Variants in L3MBTL4 observed in about 807,000 individuals in gnomAD.
The protein encoded by L3MBTL4 is lethal(3)malignant brain tumor-like protein 4.
Under a neutral mutation model 84.5 loss-of-function variants are expected in L3MBTL4, and 70 were observed. The ratio of observed to expected loss-of-function variants is 0.83; its 90% CI spans 0.68 to 1.01. The LOEUF is 1.01. Ranked by LOEUF, L3MBTL4 falls within the 50% of genes least tolerant of loss-of-function variation. The probability of loss-of-function intolerance (pLI) is 0.00; values close to 1 mark genes in which losing one functional copy is unlikely to be tolerated. For synonymous variants in L3MBTL4, 274 were observed against 259.8 expected (o/e 1.05, Z -0.52); for missense variants, 715 against 754.8 (o/e 0.95, Z 0.62).
intron 16 of L3MBTL4, among the ~76,000 whole-genome samples, chr18:5,991,765 G>C (rs757959468): frequency 6.6e-6 from 1 of 152,054 alleles, no homozygotes; most frequent in Non-Finnish European, 1.5e-5. Flanking sequence ...AGATACTTCT[G>C]TTCTGTGGAG....
chr18:6,335,904 T>G (rs1033367843), intron 1 of L3MBTL4, among the ~76,000 whole-genome samples: 2 of 152,194 alleles, frequency 1.3e-5, no homozygotes, highest in Non-Finnish European at 2.9e-5. Context: ...TTACCCAGTC[T>G]CAGGTAATAT....
At chr18:5,967,350 G>A (rs140696725) in intron 17 of L3MBTL4, among the ~76,000 whole-genome samples, 67 of 152,270 alleles carry the variant, frequency 4.4e-4, no homozygotes, top group African/African-American at 1.3e-3. Context: ...GTGAGTATCC[G>A]CCTTACTGTC....
intron 14 of L3MBTL4, among the ~76,000 whole-genome samples, chr18:6,123,217 T>C (rs1024043222): frequency 6.6e-6 from 1 of 152,318 alleles, no homozygotes; most frequent in Non-Finnish European, 1.5e-5. Context: ...GAAATGCACA[T>C]AGAATAAGTT....
chr18:6,195,959 C>T (rs965588004), intron 12 of L3MBTL4, among the ~76,000 whole-genome samples: 1 of 152,086 alleles, frequency 6.6e-6, no homozygotes, highest in African/African-American at 2.4e-5. Flanking sequence ...CAACAGCTCC[C>T]TTCGCCCTAG....
chr18:6,295,816 T>C (rs981110603), intron 4 of L3MBTL4, among the ~76,000 whole-genome samples: 9 of 152,094 alleles, frequency 5.9e-5, no homozygotes, highest in Non-Finnish European at 1.2e-4. Flanking sequence ...CCCCACTAAA[T>C]CTCATGTACA....
At chr18:6,017,566 C>CCCCTG (rs1567987781) in intron 16 of L3MBTL4, among the ~76,000 whole-genome samples, 1 of 152,228 alleles carries the variant, frequency 6.6e-6, no homozygotes, top group Non-Finnish European at 1.5e-5. Flanking sequence ...GATAGCATGG[C>CCCCTG]CCCTGCCCTT....
At chr18:6,156,310 T>C (rs1218932085) in intron 13 of L3MBTL4, among the ~76,000 whole-genome samples, 1 of 152,260 alleles carries the variant, frequency 6.6e-6, no homozygotes, top group African/African-American at 2.4e-5. Flanking sequence ...CTATTTCCCA[T>C]AGGACTTTGC....
At chr18:6,195,017 A>T (rs574052626) in intron 12 of L3MBTL4, among the ~76,000 whole-genome samples, 2 of 152,270 alleles carry the variant, frequency 1.3e-5, no homozygotes, top group African/African-American at 4.8e-5. Context: ...CTTTTTCCTC[A>T]CCTGTAGAAT....
intron 12 of L3MBTL4, among the ~76,000 whole-genome samples, chr18:6,208,584 C>G (rs992012248): frequency 2.6e-5 from 4 of 152,174 alleles, no homozygotes; most frequent in Non-Finnish European, 5.9e-5. Context: ...GTTTTAAGTC[C>G]TTCCTTTATC....
chr18:6,253,081 G>A (rs112845715), intron 5 of L3MBTL4, among the ~76,000 whole-genome samples: 13,173 of 152,018 alleles, frequency 0.087, 1,839 homozygotes, highest in African/African-American at 0.29. Context: ...GTGCACCTGT[G>A]GTCCCAGCTA....
At chr18:6,122,926 G>A (rs1370601710) in intron 14 of L3MBTL4, among the ~76,000 whole-genome samples, 1 of 152,174 alleles carries the variant, frequency 6.6e-6, no homozygotes, top group African/African-American at 2.4e-5. Flanking sequence ...CCATTTTAAT[G>A]CACATTACAG....
intron 1 of L3MBTL4, among the ~76,000 whole-genome samples, chr18:6,411,303 GGTATGTTCCTATAAT>G (rs1402548562): frequency 6.6e-6 from 1 of 151,992 alleles, no homozygotes; most frequent in African/African-American, 2.4e-5. Flanking sequence ...TTCAATTGGA[GGTATGTTCCTATAAT>G]AAACTATCCT....
chr18:6,069,961 C>T (rs2057530979), intron 16 of L3MBTL4, among the ~76,000 whole-genome samples: 1 of 151,964 alleles, frequency 6.6e-6, no homozygotes, highest in Admixed American at 6.5e-5. Flanking sequence ...TTGGAGACAG[C>T]TGAAGAGAGA....
intron 1 of L3MBTL4, among the ~76,000 whole-genome samples, chr18:6,370,846 C>T (rs1274454426): frequency 1.3e-5 from 2 of 152,126 alleles, no homozygotes; most frequent in African/African-American, 4.8e-5. Context: ...TAAGAAAAGA[C>T]GTTTGGGTTT....
chr18:6,393,938 C>T (rs950755448), intron 1 of L3MBTL4, among the ~76,000 whole-genome samples: 9 of 152,130 alleles, frequency 5.9e-5, no homozygotes, highest in African/African-American at 1.7e-4. Flanking sequence ...CACCACCTTC[C>T]GCTCTCCCCT....
At chr18:5,994,682 A>G (rs1161818203) in intron 16 of L3MBTL4, among the ~76,000 whole-genome samples, 1 of 152,146 alleles carries the variant, frequency 6.6e-6, no homozygotes, top group Non-Finnish European at 1.5e-5. Context: ...GCCTCCAGCG[A>G]CAGAGAGTTA....
chr18:6,239,298 G>C (rs1024172119), intron 9 of L3MBTL4, among the ~76,000 whole-genome samples: 1 of 136,516 alleles, frequency 7.3e-6, no homozygotes, highest in Admixed American at 8.1e-5. Context: ...CCGAGATCCC[G>C]CCACTGCACT....
intron 15 of L3MBTL4, chr18:6,082,382 T>C (rs1011754463): frequency 1.3e-5 from 2 of 152,282 alleles, no homozygotes; most frequent in African/African-American, 4.8e-5. Context: ...TATAGAAAAG[T>C]GGCTTAAATG....
intron 1 of L3MBTL4, among the ~76,000 whole-genome samples, chr18:6,338,401 T>C (rs997108538): frequency 3.9e-5 from 6 of 152,096 alleles, no homozygotes; most frequent in African/African-American, 1.4e-4. Flanking sequence ...GAGTTATACT[T>C]ATGTCTAGAA....
Sources: allele counts gnomAD v4.1 joint callset (sites outside exome capture counted in the v4.1 genomes callset), GRCh38; gene constraint gnomAD v4.1.1; transcripts MANE v1.5; gene names NCBI Gene and HGNC (gene_info 2026-07-23, HGNC 2026-07-21).